Variants in MELK observed in about 807,000 individuals in gnomAD.
The protein encoded by MELK is pEg3 kinase.
Under a neutral mutation model 85.0 loss-of-function variants are expected in MELK, and 81 were observed. The observed-to-expected ratio is 0.95, with a 90% confidence interval of 0.80 to 1.15. The LOEUF (loss-of-function observed/expected upper bound fraction) is 1.15, where lower values mean the gene tolerates loss of function less well. Ranked by LOEUF, MELK falls within the 50% of genes most tolerant of loss-of-function variation. MELK has a pLI of 0.00. For missense variants in MELK, 754 were observed against 777.5 expected (o/e 0.97, Z 0.36); for synonymous variants, 252 against 265.0 (o/e 0.95, Z 0.48).
chr9:36,590,143 A>G (rs1823393932), intron 4 of MELK, among the ~76,000 whole-genome samples: 1 of 151,916 alleles, frequency 6.6e-6, no homozygotes, highest in Non-Finnish European at 1.5e-5. Flanking sequence ...GATGGTCTCA[A>G]TCTCCTGACC....
rs532775641 is a variant in MELK, at chr9:36,638,796, A to T, written c.835-4201A>T. ...ATTTAATCTGTACGCCAATCCTCCGAAGAAGGTACTATTATTGCCCCTTTT... is the reference window on the plus strand; with the variant it reads ...ATTTAATCTGTACGCCAATCCTCCGTAGAAGGTACTATTATTGCCCCTTTT... On this transcript the variant is annotated intron_variant, in intron 10 of 17. Coordinates refer to ENST00000298048, the MANE Select transcript of MELK (RefSeq NM_014791.4). Among the ~76,000 whole-genome samples the T allele has an allele frequency of 3.9e-5, 6 of 152,322 alleles. No individual in the cohort carries two copies. In the South Asian group the frequency reaches 1.2e-3, roughly 32 times the overall value.
Position 36,594,772 on chromosome 9 carries a change from G to T in MELK, c.405+1G>T. The T allele has an allele frequency of 6.2e-7, 1 of 1,611,886 alleles. No individual in the cohort carries two copies. The highest frequency in any genetic ancestry group is 1.3e-5 in the African/African-American group (1 of 74,982). ...CTATGCTCACAGGGACCTCAAGCCA[G>T]TAAGTGACTGCATCACAGTTAGATG... On this transcript the variant is annotated splice_donor_variant, in intron 5 of 17. Transcript: ENST00000298048. LOFTEE classifies it high-confidence loss of function.
chr9:36,667,829 A>G (rs1036290268), intron 14 of MELK, among the ~76,000 whole-genome samples: 6 of 151,548 alleles, frequency 4.0e-5, no homozygotes, highest in Admixed American at 1.3e-4. Context: ...GTGCAGTGGC[A>G]TGATCTTGCC....
chr9:36,665,196 A>G (rs1161356733), intron 13 of MELK, among the ~76,000 whole-genome samples, 154 bp from the exon 14 acceptor site: 1 of 152,218 alleles, frequency 6.6e-6, no homozygotes, highest in African/African-American at 2.4e-5. Context: ...AAAGAAAACT[A>G]TATATTTTCA....
intron 8 of MELK, among the ~76,000 whole-genome samples, chr9:36,626,964 GAA>G (rs1045934255): frequency 6.6e-5 from 4 of 60,848 alleles, no homozygotes; most frequent in Admixed American, 1.9e-4. Context: ...ATCTCAAGAA[GAA>G]AAAAAAAAAA....
intron 8 of MELK, among the ~76,000 whole-genome samples, chr9:36,616,680 C>T (rs986580098): frequency 1.3e-5 from 2 of 152,074 alleles, no homozygotes; most frequent in African/African-American, 4.8e-5. Context: ...TGAGCCACCG[C>T]GCCTGGCCAT....
intron 1 of MELK, among the ~76,000 whole-genome samples, chr9:36,573,805 C>T (rs1269579994): frequency 6.6e-6 from 1 of 152,056 alleles, no homozygotes; most frequent in African/African-American, 2.4e-5. Context: ...CCACGCCCGG[C>T]CTAAAAGGGG....
intron 10 of MELK, 83 bp from the exon 11 acceptor site, chr9:36,642,909 ATAAAG>A: frequency 3.3e-6 from 3 of 907,992 alleles, no homozygotes; most frequent in Non-Finnish European, 5.0e-6. Context: ...ATTTGATTGT[ATAAAG>A]TAATTATGCT....
At chr9:36,665,645 T>A (rs949974712) in intron 14 of MELK, 64 bp downstream of exon 14, 1 of 1,282,466 alleles carries the variant, frequency 7.8e-7, no homozygotes, top group Admixed American at 2.2e-5. Flanking sequence ...AGTAAACATA[T>A]AGCAGGTCAG....
chr9:36,599,536 G>C (rs1355324233), intron 7 of MELK, 50 bp downstream of exon 7: 1 of 1,412,570 alleles, frequency 7.1e-7, no homozygotes, highest in East Asian at 2.3e-5. Context: ...CATTTATATT[G>C]GTCACCTGTA....
At chr9:36,583,852 T>A (rs1167438686) in intron 3 of MELK, 140 bp downstream of exon 3, 1 of 600,024 alleles carries the variant, frequency 1.7e-6, no homozygotes, top group Non-Finnish European at 2.8e-6. Context: ...TCTGTGGTTT[T>A]AAAAAGTAAT....
chr9:36,648,245 G>C (rs1314062997), intron 11 of MELK, among the ~76,000 whole-genome samples: 1 of 152,150 alleles, frequency 6.6e-6, no homozygotes, highest in African/African-American at 2.4e-5. Flanking sequence ...TTAGAAGTTT[G>C]GAAGATATAG....
chr9:36,594,673 C>T lies in MELK; in HGVS notation c.307C>T (p.Arg103Cys), dbSNP rs1435853016. 1.9e-6 allele frequency: 3 copies of T among 1,613,896 alleles called. No individual in the cohort carries two copies. The highest frequency in any genetic ancestry group is 1.7e-5 in the Admixed American group (1 of 59,962). Residue 103 changes from arginine to cysteine, a missense_variant, in exon 5 of 18, where the codon CGC (arginine) becomes TGC (cysteine). Transcript: ENST00000298048. ...ELFDYIISQD[R>C]LSEEETRVVF... ...GTTTGACTATATAATTTCCCAGGATCGCCTGTCAGAAGAGGAGACCCGGGT... is the reference window on the plus strand; with the variant it reads ...GTTTGACTATATAATTTCCCAGGATTGCCTGTCAGAAGAGGAGACCCGGGT...
chr9:36,665,514 A>C lies in MELK; in HGVS notation c.1341A>C (p.Pro447=), dbSNP rs1180002787. 2 of 1,613,966 alleles carry C rather than the reference A, an allele frequency of 1.2e-6. No individual in the cohort carries two copies. The highest frequency in any genetic ancestry group is 1.7e-6 in the Non-Finnish European group (2 of 1,179,894). Residue 447 remains proline, a synonymous_variant, in exon 14 of 18, where the codon CCA becomes CCC. Coordinates refer to ENST00000298048, the MANE Select transcript of MELK (RefSeq NM_014791.4). ...TTATGTTTCCTGAGCCAAAGACTCC[A>C]GTTAATAAGAACCAGCATAAGAGAG... ...EYFMFPEPKT[P]VNKNQHKREI...
rs993391542 is a variant in MELK, at chr9:36,616,080, G to C, written c.666+8407G>C. On this transcript the variant is annotated intron_variant, in intron 8 of 17. Transcript: ENST00000298048. ...TGCTTCCCGGGCGGCGCTCGCCGGC[G>C]CGGTGGCAAAGAAAAAAATTATTTT... Among the ~76,000 whole-genome samples the C allele has an allele frequency of 6.6e-5, 10 of 152,244 alleles. No individual in the cohort carries two copies. In the South Asian group the frequency reaches 2.1e-3, roughly 32 times the overall value.
At chr9:36,594,810 GT>G (rs1824013583) in intron 5 of MELK, 39 bp downstream of exon 5, 1 of 1,576,258 alleles carries the variant, frequency 6.3e-7, no homozygotes, top group Admixed American at 1.9e-5. Context: ...CACCTTCAGC[GT>G]CATTTACCTG....
chr9:36,606,206 T>C (rs1389660203), intron 7 of MELK, among the ~76,000 whole-genome samples: 1 of 151,248 alleles, frequency 6.6e-6, no homozygotes, highest in Non-Finnish European at 1.5e-5. Flanking sequence ...TATATATACA[T>C]ATATATTTGA....
At chr9:36,574,492 A>G (rs1252398791) in intron 1 of MELK, among the ~76,000 whole-genome samples, 1 of 151,424 alleles carries the variant, frequency 6.6e-6, no homozygotes, top group Non-Finnish European at 1.5e-5. Flanking sequence ...AATCCCAGCA[A>G]CTGGGGAGGC....
At chr9:36,674,806 TTCTCA>T (rs761363906) in intron 16 of MELK, 23 bp from the exon 17 acceptor site, 61 of 1,388,854 alleles carry the variant, frequency 4.4e-5, no homozygotes, top group Non-Finnish European at 5.9e-5. Flanking sequence ...AAAAATTTAC[TTCTCA>T]TCTCTTCTTT....
Sources: allele counts gnomAD v4.1 joint callset (sites outside exome capture counted in the v4.1 genomes callset), GRCh38; gene constraint gnomAD v4.1.1; transcripts MANE v1.5; gene names NCBI Gene and HGNC (gene_info 2026-07-23, HGNC 2026-07-21).